The following DLG2 variants were observed in gnomAD, a reference collection of about 807,000 sequenced individuals.
The protein encoded by DLG2 is disks large homolog 2.
In DLG2, 45 loss-of-function variants were observed where a neutral mutation model predicts 132.5. The observed-to-expected ratio is 0.34, with a 90% confidence interval of 0.27 to 0.44. The LOEUF (loss-of-function observed/expected upper bound fraction) is 0.44. Ranked by LOEUF, DLG2 falls within the 20% of genes least tolerant of loss-of-function variation. The pLI, the probability that DLG2 is intolerant of heterozygous loss-of-function variation, is 1.00. For missense variants in DLG2, 1,045 were observed against 1,196.9 expected, an observed-to-expected ratio of 0.87 and a Z score of 1.87; for synonymous variants, 424 against 419.6, an observed-to-expected ratio of 1.01 and a Z score of -0.13.
intron 6 of DLG2, among the ~76,000 whole-genome samples, chr11:84,543,597 T>A (rs935302410): frequency 6.6e-6 from 1 of 152,186 alleles, no homozygotes; most frequent in African/African-American, 2.4e-5. Flanking sequence ...GCCTGCCACA[T>A]AGGAGTTACT....
At chr11:83,495,747 A>G (rs2094117615) in intron 21 of DLG2, among the ~76,000 whole-genome samples, 1 of 152,160 alleles carries the variant, frequency 6.6e-6, no homozygotes, top group South Asian at 2.1e-4. Flanking sequence ...GATGTCCCAT[A>G]GCTAAAACTG....
At chr11:85,486,371 C>T (rs1220300444) in intron 3 of DLG2, among the ~76,000 whole-genome samples, 1 of 152,198 alleles carries the variant, frequency 6.6e-6, no homozygotes, top group African/African-American at 2.4e-5. Flanking sequence ...CCACCAAAGC[C>T]CACAGGGAAC....
chr11:85,560,765 C>T (rs1240484586), intron 3 of DLG2, among the ~76,000 whole-genome samples: 1 of 151,808 alleles, frequency 6.6e-6, no homozygotes, highest in Admixed American at 6.6e-5. Context: ...GGCACAGTGG[C>T]TTATGCCTGT....
At chr11:85,075,328 C>T (rs1410863744) in intron 6 of DLG2, among the ~76,000 whole-genome samples, 2 of 151,802 alleles carry the variant, frequency 1.3e-5, no homozygotes, top group Non-Finnish European at 2.9e-5. Context: ...GAAGACTTAC[C>T]TACATACTGA....
intron 6 of DLG2, among the ~76,000 whole-genome samples, chr11:84,597,374 T>C (rs1024801906): frequency 6.6e-6 from 1 of 152,210 alleles, no homozygotes; most frequent in Non-Finnish European, 1.5e-5. Flanking sequence ...ACTATTATTA[T>C]TAGACAGACT....
At chr11:84,721,169 G>C (rs2061794695) in intron 6 of DLG2, among the ~76,000 whole-genome samples, 1 of 152,144 alleles carries the variant, frequency 6.6e-6, no homozygotes, top group Non-Finnish European at 1.5e-5. Flanking sequence ...CTCGGAGCGC[G>C]GCAGGGAACT....
intron 6 of DLG2, among the ~76,000 whole-genome samples, chr11:85,007,139 T>A (rs963461311): frequency 2.0e-4 from 30 of 152,132 alleles, no homozygotes; most frequent in African/African-American, 7.2e-4. Context: ...AGGGCCAGAT[T>A]TTCCTAAGTA....
chr11:84,539,680 C>A (rs1039929793), intron 6 of DLG2, among the ~76,000 whole-genome samples: 5 of 152,140 alleles, frequency 3.3e-5, no homozygotes, highest in African/African-American at 1.2e-4. Context: ...GATATTGATT[C>A]TTCCTAACCA....
At position 83,612,278 on chromosome 11, in the gene DLG2, A is replaced by G. The variant is rs541725251; in HGVS notation, c.1940+20933T>C. ...GCCACCTAAGAGCTGTGTGATTTAG[A>G]ACAGGCTTCTCAACTCTGAGCCATA... On this transcript the variant is annotated intron_variant, in intron 19 of 27. Coordinates refer to ENST00000376104, the MANE Select transcript of DLG2 (RefSeq NM_001142699.3). 3.3e-5 allele frequency among the ~76,000 whole-genome samples: 5 copies of G among 152,346 alleles called. No homozygotes were observed. In the South Asian group the frequency reaches 1.0e-3, roughly 32 times the overall value.
chr11:84,075,907 T>C (rs1435411348), intron 10 of DLG2, among the ~76,000 whole-genome samples: 2 of 152,208 alleles, frequency 1.3e-5, no homozygotes, highest in Non-Finnish European at 2.9e-5. Flanking sequence ...CCTGACTTAA[T>C]GGTTGAACTG....
intron 6 of DLG2, among the ~76,000 whole-genome samples, chr11:84,590,510 T>C (rs185315742): frequency 2.0e-5 from 3 of 152,330 alleles, no homozygotes; most frequent in Admixed American, 6.5e-5. Context: ...AATCTGACAG[T>C]ATCTAGAGTA....
At chr11:84,483,629 G>A (rs559532805) in intron 7 of DLG2, among the ~76,000 whole-genome samples, 3 of 152,176 alleles carry the variant, frequency 2.0e-5, no homozygotes, top group South Asian at 2.1e-4. Flanking sequence ...ATAAGGTATC[G>A]TTACGAGTTT....
At chr11:84,642,364 A>G (rs1033190178) in intron 6 of DLG2, among the ~76,000 whole-genome samples, 11 of 151,958 alleles carry the variant, frequency 7.2e-5, no homozygotes, top group African/African-American at 2.7e-4. Flanking sequence ...CCTAAATTGC[A>G]TAGGAATAAA....
At chr11:83,964,786 T>C (rs952391452) in intron 13 of DLG2, among the ~76,000 whole-genome samples, 1 of 151,954 alleles carries the variant, frequency 6.6e-6, no homozygotes, top group Non-Finnish European at 1.5e-5. Context: ...CTCACCTCTA[T>C]TGCCATAGTG....
chr11:84,935,143 TA>T lies in DLG2; in HGVS notation c.357+176517del, dbSNP rs1247211886. On this transcript the variant is annotated intron_variant, in intron 6 of 27. Coordinates refer to ENST00000376104, the MANE Select transcript of DLG2 (RefSeq NM_001142699.3). The stretch of plus-strand genomic sequence containing the variant: ...CAGTCAGTAAATTATCAAGTCCTAC[TA>T]ATTTTCTTAGATATTTGCAGAATGT... Among the ~76,000 whole-genome samples, 4 of 152,364 alleles carry T rather than the reference TA, an allele frequency of 2.6e-5. No individual in the cohort carries two copies. In the East Asian group the frequency reaches 7.7e-4, roughly 29 times the overall value.
intron 7 of DLG2, among the ~76,000 whole-genome samples, chr11:84,356,166 G>T (rs1326641445): frequency 6.6e-6 from 1 of 152,042 alleles, no homozygotes; most frequent in Non-Finnish European, 1.5e-5. Flanking sequence ...GTTTTGGTGG[G>T]GAAAGCAGTC....
At chr11:84,621,025 T>C (rs758254543) in intron 6 of DLG2, among the ~76,000 whole-genome samples, 7 of 152,136 alleles carry the variant, frequency 4.6e-5, no homozygotes, top group African/African-American at 1.2e-4. Context: ...TACTACTACA[T>C]GCAACAATGG....
intron 4 of DLG2, among the ~76,000 whole-genome samples, chr11:85,258,188 C>A (rs1260887459): frequency 6.6e-6 from 1 of 152,076 alleles, no homozygotes; most frequent in Non-Finnish European, 1.5e-5. Context: ...TTTGAAAATA[C>A]CCAAAACTTT....
chr11:85,585,700 A>T (rs118034014), intron 3 of DLG2, among the ~76,000 whole-genome samples: 5,530 of 150,284 alleles, frequency 0.037, 155 homozygotes, highest in Admixed American at 0.054. Flanking sequence ...AATTCTGTTT[A>T]TGTGATATAT....
Sources: allele counts gnomAD v4.1 joint callset (sites outside exome capture counted in the v4.1 genomes callset), GRCh38; gene constraint gnomAD v4.1.1; transcripts MANE v1.5; gene names NCBI Gene and HGNC (gene_info 2026-07-23, HGNC 2026-07-21).